B3GALT1: variants seen among roughly 807,000 people sequenced by gnomAD.
B3GALT1 encodes the protein beta-1,3-galactosyltransferase 1.
A neutral mutation model predicts 23.2 loss-of-function variants in B3GALT1; 10 were observed. That is an observed-to-expected ratio of 0.43 (90% CI 0.27 to 0.73). B3GALT1 has a LOEUF of 0.73. Ranked by LOEUF, B3GALT1 falls within the 30% of genes least tolerant of loss-of-function variation. The probability of loss-of-function intolerance (pLI) is 0.21; values close to 1 mark genes in which losing one functional copy is unlikely to be tolerated. For synonymous variants in B3GALT1, 156 were observed against 141.5 expected, an observed-to-expected ratio of 1.10 and a Z score of -0.73; for missense variants, 299 against 405.4, an observed-to-expected ratio of 0.74 and a Z score of 2.25.
chr2:167,574,512 C>T (rs868734937), intron 2 of B3GALT1, among the ~76,000 whole-genome samples: 2 of 151,746 alleles, frequency 1.3e-5, no homozygotes, highest in South Asian at 2.1e-4. Context: ...TGTACATTAA[C>T]ATGTTTGAAA....
chr2:167,553,678 T>C lies in B3GALT1; in HGVS notation c.-410+63401T>C, dbSNP rs1683790426. On this transcript the variant is annotated intron_variant, in intron 2 of 4. Coordinates refer to ENST00000392690, the MANE Select transcript of B3GALT1 (RefSeq NM_020981.4). The stretch of plus-strand genomic sequence containing the variant: ...TAGATCTTTTTTAGACCTAAATTGC[T>C]GTGTTTTCCCACCATGGTTCATTTT... Among the ~76,000 whole-genome samples, 3 of 152,208 alleles carry C rather than the reference T, an allele frequency of 2.0e-5. No homozygotes were observed. In the South Asian group the frequency reaches 6.2e-4, roughly 32 times the overall value.
At chr2:167,825,548 TCTTA>T (rs889827240) in intron 4 of B3GALT1, among the ~76,000 whole-genome samples, 3 of 151,106 alleles carry the variant, frequency 2.0e-5, no homozygotes, top group African/African-American at 7.3e-5. Flanking sequence ...AAGACAATTC[TCTTA>T]CTAATTCCAC....
intron 2 of B3GALT1, among the ~76,000 whole-genome samples, chr2:167,593,545 T>A (rs1684720321): frequency 6.6e-6 from 1 of 152,212 alleles, no homozygotes; most frequent in Non-Finnish European, 1.5e-5. Context: ...AGTCAAATGA[T>A]TTCAGTTTTA....
At chr2:167,852,663 C>T (rs1271902811) in intron 4 of B3GALT1, among the ~76,000 whole-genome samples, 2 of 152,056 alleles carry the variant, frequency 1.3e-5, no homozygotes, top group African/African-American at 4.8e-5. Flanking sequence ...GTGAAAAGGG[C>T]TAGGCATGGG....
At chr2:167,808,561 A>T (rs939453512) in intron 3 of B3GALT1, among the ~76,000 whole-genome samples, 2 of 151,970 alleles carry the variant, frequency 1.3e-5, no homozygotes, top group Non-Finnish European at 2.9e-5. Context: ...TTGTCTGGAT[A>T]TGAAATTCTG....
intron 1 of B3GALT1, among the ~76,000 whole-genome samples, chr2:167,341,161 A>G (rs1328936922): frequency 2.0e-5 from 3 of 152,172 alleles, no homozygotes; most frequent in African/African-American, 7.2e-5. Flanking sequence ...AGATAAACAG[A>G]AAAGATGATT....
chr2:167,831,102 C>T (rs1032903839), intron 4 of B3GALT1, among the ~76,000 whole-genome samples: 8 of 152,228 alleles, frequency 5.3e-5, no homozygotes, highest in Non-Finnish European at 1.2e-4. Flanking sequence ...TATTCATCAA[C>T]TCTTTGAAAT....
intron 1 of B3GALT1, among the ~76,000 whole-genome samples, chr2:167,426,219 C>T (rs575985228): frequency 6.6e-6 from 1 of 151,496 alleles, no homozygotes; most frequent in Non-Finnish European, 1.5e-5. Flanking sequence ...TTCATTGGCT[C>T]ACTGGAGTAT....
chr2:167,608,105 G>A (rs1011581922), intron 2 of B3GALT1, among the ~76,000 whole-genome samples: 14 of 152,016 alleles, frequency 9.2e-5, no homozygotes, highest in Admixed American at 3.9e-4. Flanking sequence ...TATGTCTAAC[G>A]GCCCATGTAA....
chr2:167,870,082 GTAT>G lies in B3GALT1; in HGVS notation c.*64_*66del, dbSNP rs548543547. On this transcript the variant is annotated 3_prime_UTR_variant, in exon 5 of 5. Coordinates refer to ENST00000392690, the MANE Select transcript of B3GALT1 (RefSeq NM_020981.4). The stretch of plus-strand genomic sequence containing the variant: ...TTAAGAAATGGGACCTAAGGTGTTG[GTAT>G]TTTCCAGGTGTCGGGGGAAATGAAC... 2.7e-3 allele frequency: 4,024 copies of G among 1,469,124 alleles called. 6 individuals are homozygous for G. The highest frequency in any genetic ancestry group is 3.2e-3 in the Non-Finnish European group (3,517 of 1,098,776). The allele number at this position is 1,469,124 out of a possible 1,614,324, so 91.0% of individuals were successfully genotyped here.
chr2:167,706,473 C>T (rs1251468464), intron 3 of B3GALT1, among the ~76,000 whole-genome samples: 2 of 152,168 alleles, frequency 1.3e-5, no homozygotes, highest in Admixed American at 1.3e-4. Flanking sequence ...TATTCCTTAT[C>T]AGAGGAAAAC....
At chr2:167,644,598 G>A (rs1248523359) in intron 2 of B3GALT1, among the ~76,000 whole-genome samples, 5 of 151,908 alleles carry the variant, frequency 3.3e-5, no homozygotes, top group African/African-American at 1.2e-4. Flanking sequence ...GGCCAACACG[G>A]TGAAACCCCA....
chr2:167,710,962 A>G (rs1441752750), intron 3 of B3GALT1, among the ~76,000 whole-genome samples: 3 of 152,160 alleles, frequency 2.0e-5, no homozygotes, highest in Non-Finnish European at 2.9e-5. Context: ...AAAGCCCTCC[A>G]GGGTTTTCCA....
intron 3 of B3GALT1, among the ~76,000 whole-genome samples, chr2:167,781,348 G>A (rs919059187): frequency 3.9e-5 from 6 of 152,076 alleles, no homozygotes; most frequent in African/African-American, 1.4e-4. Context: ...AAAATATGGC[G>A]ACATCCTCTC....
intron 2 of B3GALT1, among the ~76,000 whole-genome samples, chr2:167,535,919 TTTTG>T (rs951207047): frequency 9.9e-5 from 15 of 152,120 alleles, no homozygotes; most frequent in African/African-American, 2.4e-4. Flanking sequence ...GCAATTAGAT[TTTTG>T]TTTGTTTGTT....
intron 1 of B3GALT1, among the ~76,000 whole-genome samples, chr2:167,328,596 C>G (rs1696929841): frequency 1.3e-5 from 2 of 151,818 alleles, no homozygotes; most frequent in South Asian, 4.1e-4. Flanking sequence ...TTTCTTCTTT[C>G]TTTTCTTGGT....
intron 3 of B3GALT1, among the ~76,000 whole-genome samples, chr2:167,693,503 G>A (rs1164137656): frequency 1.3e-5 from 2 of 152,094 alleles, no homozygotes. Context: ...AACACTGTCT[G>A]CTGTAAGATG....
Position 167,572,066 on chromosome 2 carries a change from G to A in B3GALT1, c.-409-74843G>A, listed in dbSNP as rs73026062. 7.5e-3 allele frequency among the ~76,000 whole-genome samples: 1,144 copies of A among 151,750 alleles called. 17 individuals carry two copies. Among genetic ancestry groups the A allele is most frequent in the African/African-American group, 0.026 (1,092 of 41,426 alleles). On this transcript the variant is annotated intron_variant, in intron 2 of 4. Transcript: ENST00000392690. ...AAATCAGTATGGCGTCTAAGTCTTG[G>A]CCAACATCATATTATGTTATTAGAA...
Position 167,869,670 on chromosome 2 carries a change from G to A in B3GALT1, c.631G>A (p.Gly211Arg). The A allele has an allele frequency of 1.9e-6, 3 of 1,614,110 alleles. No homozygotes were observed. Among genetic ancestry groups the A allele is most frequent in the Non-Finnish European group, 2.5e-6 (3 of 1,180,020 alleles). ...RYFTGYVING[G>R]PIRDVRSKWY... ...TTTTACTGGCTATGTCATTAATGGAGGACCGATTCGGGATGTCCGCAGTAA... is the reference window on the plus strand; with the variant it reads ...TTTTACTGGCTATGTCATTAATGGAAGACCGATTCGGGATGTCCGCAGTAA... The change falls in exon 5 of 5, where the codon GGA becomes AGA. Residue 211 changes from glycine to arginine, a missense_variant. By Grantham distance (125) the Gly-to-Arg change is moderately radical (BLOSUM62 -2). This residue lies in a region of B3GALT1 where 133 missense variants were observed against 204.8 expected (regional missense o/e 0.65). Transcript: ENST00000392690. This position sits in a 1 kb window ranked among gnomAD's most constrained non-coding sequence, Gnocchi z 6.4.
Sources: gnomAD v4.1 joint callset for allele counts (sites outside exome capture counted in the v4.1 genomes callset) on GRCh38, gnomAD v4.1.1 for gene constraint, gnomAD v4.1.1 regional missense constraint, Gnocchi (gnomAD v3.1) non-coding constraint, MANE v1.5 for transcripts, NCBI Gene and HGNC (gene_info 2026-07-23, HGNC 2026-07-21) for gene names.